The following FRMD8 variants were observed in gnomAD, a reference collection of about 807,000 sequenced individuals.
FRMD8 encodes the protein FERM domain containing 8, also known as FERM domain-containing protein 8.
Under a neutral mutation model 54.2 loss-of-function variants are expected in FRMD8, and 37 were observed. The observed-to-expected ratio is 0.68, with a 90% CI of 0.53 to 0.90. The LOEUF is 0.90. Ranked by LOEUF, FRMD8 falls within the 40% of genes least tolerant of loss-of-function variation. The pLI is 0.00. For missense variants in FRMD8, 585 were observed against 653.7 expected (o/e 0.89, Z 1.15); for synonymous variants, 246 against 286.9 (o/e 0.86, Z 1.44).
At chr11:65,396,691 A>G in intron 6 of FRMD8, 108 bp from the exon 7 acceptor site, 1 of 646,006 alleles carries the variant, frequency 1.5e-6, no homozygotes, top group South Asian at 2.5e-5. Flanking sequence ...TCTGACTTGG[A>G]AGTAGATGTG....
In FRMD8 at chr11:65,387,069, C is replaced by T. The variant is rs764119670; in HGVS notation, c.33C>T (p.Pro11=). The change falls in exon 2 of 11, where the codon CCC becomes CCT. Residue 11 remains proline, a synonymous_variant. Transcript: ENST00000317568. The part of the protein sequence containing the change: MDGTEGSAGQ[P]GPAERSHRSS... ...GGACAGAAGGCAGTGCCGGGCAGCC[C>T]GGCCCCGCTGAGCGATCCCACCGAA... 14 of 1,609,054 alleles carry T rather than the reference C, an allele frequency of 8.7e-6. No individual in the cohort carries two copies. The East Asian group carries it at 8.9e-5, about 10-fold the overall frequency.
upstream of FRMD8, among the ~76,000 whole-genome samples, chr11:65,385,910 C>T (rs1765116050): frequency 6.6e-6 from 1 of 152,138 alleles, no homozygotes; most frequent in African/African-American, 2.4e-5. Flanking sequence ...ATTCTCCTGC[C>T]TCAGCCTTCC....
chr11:65,377,320 G>A, the FRMD8 span: 8 of 1,370,994 alleles, frequency 5.8e-6, no homozygotes, highest in Non-Finnish European at 7.5e-6. Flanking sequence ...TCATGCAACA[G>A]TGACCAACTT....
rs59320983 is a variant in FRMD8, at chr11:65,396,446, A to T, written c.582-353A>T. On this transcript the variant is annotated intron_variant, in intron 6 of 10. Transcript: ENST00000317568. ...ATCACAATCCTTGGCCTGCACCTGG[A>T]GAGCTTGTCAAGTTTTAGGGCCGGG... 3.0e-4 allele frequency among the ~76,000 whole-genome samples: 45 copies of T among 152,188 alleles called. No homozygotes were observed. The East Asian group carries it at 7.0e-3, about 24-fold the overall frequency.
At chr11:65,410,807 AC>A (rs938892560) in intron 10 of FRMD8, among the ~76,000 whole-genome samples, 2 of 152,190 alleles carry the variant, frequency 1.3e-5, no homozygotes, top group Non-Finnish European at 2.9e-5. Context: ...ACAAAAAAAA[AC>A]AAACCCAAAA....
upstream of FRMD8, chr11:65,382,028 C>T (rs1320885806): frequency 1.2e-5 from 15 of 1,214,360 alleles, no homozygotes; most frequent in East Asian, 4.6e-5. The surrounding 1 kb of genome is among the most constrained non-coding windows in gnomAD (Gnocchi z 4.4). Flanking sequence ...CCCTGGCCCA[C>T]GCTGATAACC....
chr11:65,403,899 C>T (rs1449640543), intron 9 of FRMD8, among the ~76,000 whole-genome samples: 1 of 152,216 alleles, frequency 6.6e-6, no homozygotes, highest in Admixed American at 6.5e-5. Flanking sequence ...GCACTCAGGA[C>T]TCTGTCCCCA....
Position 65,389,430 on chromosome 11 carries a change from T to A in FRMD8, c.155T>A (p.Leu52His). The A allele has an allele frequency of 6.2e-7, 1 of 1,610,452 alleles. No individual in the cohort carries two copies. Among genetic ancestry groups the A allele is most frequent in the Non-Finnish European group, 8.5e-7 (1 of 1,179,982 alleles). The part of the protein sequence containing the change: ...VPLAVENLPS[L>H]SAHELHRAVR... ...CTGGCTGTGGAGAACCTGCCCTCGC[T>A]CAGTGCCCATGAGCTGCACCGCGCT... Residue 52 changes from leucine (L) to histidine (H), a missense_variant, in exon 3 of 11, where the codon CTC becomes CAC. By Grantham distance (99) the Leu-to-His change is moderately conservative. Coordinates refer to ENST00000317568, the MANE Select transcript of FRMD8 (RefSeq NM_031904.5).
chr11:65,400,710 C>CTCCTGCTGGCCAGCATG lies in FRMD8; in HGVS notation c.928-4_940dup. On this transcript the variant is annotated splice_polypyrimidine_tract_variant and intron_variant, in intron 8 of 10. Transcript: ENST00000317568. The surrounding 1 kb of genome is among the most constrained non-coding windows in gnomAD (Gnocchi z 4.3). The stretch of plus-strand genomic sequence containing the variant: ...CCAGGGGTCAAGCCTGGCTCTGTGT[C>CTCCTGCTGGCCAGCATG]TCCTGCTGGCCAGCATGTCCTGCTG... The CTCCTGCTGGCCAGCATG allele has an allele frequency of 5.7e-6, 9 of 1,567,514 alleles. No individual in the cohort carries two copies. Among genetic ancestry groups the CTCCTGCTGGCCAGCATG allele is most frequent in the Non-Finnish European group, 7.8e-6 (9 of 1,158,072 alleles).
At chr11:65,393,049 T>C (rs144692899) in intron 3 of FRMD8, among the ~76,000 whole-genome samples, 1 of 152,174 alleles carries the variant, frequency 6.6e-6, no homozygotes, top group African/African-American at 2.4e-5. Flanking sequence ...AGGCAGGAGC[T>C]GGGTTGCGTG....
chr11:65,399,812 G>A lies in FRMD8; in HGVS notation c.880G>A (p.Val294Met), dbSNP rs747069845. 5.0e-6 allele frequency: 8 copies of A among 1,614,040 alleles called. No homozygotes were observed. In the South Asian group the frequency reaches 7.7e-5, roughly 16 times the overall value. The part of the protein sequence containing the change: ...LHRGGRKPVS[V>M]AISLEGVHVI... ...CCGGGGTGGGCGCAAGCCAGTTTCT[G>A]TGGCCATCAGTCTGGAAGGCGTGCA... is the stretch of plus-strand genomic sequence containing the variant. Residue 294 changes from valine to methionine, a missense_variant, in exon 8 of 11, where the codon GTG (valine) becomes ATG (methionine). By Grantham distance (21) the Val-to-Met change is conservative. Transcript: ENST00000317568.
At chr11:65,390,468 C>T (rs1006426208) in intron 3 of FRMD8, among the ~76,000 whole-genome samples, 2 of 152,128 alleles carry the variant, frequency 1.3e-5, no homozygotes, top group African/African-American at 2.4e-5. Flanking sequence ...GTCCAAGGGG[C>T]CCCCAGCAGT....
the FRMD8 span, chr11:65,379,387 C>T: frequency 9.3e-6 from 15 of 1,610,000 alleles, no homozygotes; most frequent in Non-Finnish European, 1.2e-5. Context: ...TGCAGGAACC[C>T]CCCGGTGCAG....
Position 65,394,282 on chromosome 11 carries a change from G to A in FRMD8, c.438G>A (p.Arg146=), listed in dbSNP as rs1352794370. ...ELQIHDEEVL[R]LLYEEAKGNV... is the part of the protein sequence containing the mutation. Reference sequence around the variant, plus strand: ...AGATCCATGACGAGGAGGTCCTGCGGCTGCTCTATGAGGAGGCCAAGGGCA... The same window carrying A: ...AGATCCATGACGAGGAGGTCCTGCGACTGCTCTATGAGGAGGCCAAGGGCA... The change falls in exon 6 of 11, where the codon CGG becomes CGA. Residue 146 remains arginine (R), a synonymous_variant. Coordinates refer to ENST00000317568, the MANE Select transcript of FRMD8 (RefSeq NM_031904.5). 3.8e-6 allele frequency: 6 copies of A among 1,597,928 alleles called. No individual in the cohort carries two copies. The highest frequency in any genetic ancestry group is 5.1e-6 in the Non-Finnish European group (6 of 1,172,628).
chr11:65,395,723 G>A (rs1173846165), intron 6 of FRMD8, among the ~76,000 whole-genome samples: 3 of 152,140 alleles, frequency 2.0e-5, no homozygotes, highest in South Asian at 2.1e-4. Flanking sequence ...GTAGGTTGGC[G>A]TTTTCACGTT....
At chr11:65,396,745 G>C in intron 6 of FRMD8, 54 bp from the exon 7 acceptor site, 1 of 1,242,748 alleles carries the variant, frequency 8.0e-7, no homozygotes, top group Non-Finnish European at 1.1e-6. Flanking sequence ...GCCCTCCCCC[G>C]TGAGCCTGGC....
chr11:65,390,676 T>G (rs1855826993), intron 3 of FRMD8, among the ~76,000 whole-genome samples: 1 of 152,150 alleles, frequency 6.6e-6, no homozygotes, highest in Admixed American at 6.5e-5. Context: ...TCACCTCTCT[T>G]TCACCTCCGG....
intron 4 of FRMD8, 119 bp downstream of exon 4, chr11:65,393,793 A>C: frequency 2.2e-6 from 2 of 899,776 alleles, no homozygotes; most frequent in Non-Finnish European, 3.5e-6. Flanking sequence ...CAGGGCCTGC[A>C]TCTCCCCCAG....
the FRMD8 span, chr11:65,376,344 C>G: frequency 1.9e-6 from 3 of 1,576,030 alleles, no homozygotes; most frequent in Non-Finnish European, 2.6e-6. Context: ...AACCTGGCCT[C>G]CAATCTCAAA....
Sources: allele counts gnomAD v4.1 joint callset (sites outside exome capture counted in the v4.1 genomes callset), GRCh38; gene constraint gnomAD v4.1.1; non-coding constraint Gnocchi (gnomAD v3.1); transcripts MANE v1.5; gene names NCBI Gene and HGNC (gene_info 2026-07-23, HGNC 2026-07-21).